Variants in ASTN2 observed in about 807,000 individuals in gnomAD.
ASTN2 encodes astrotactin-2.
In ASTN2, 54 loss-of-function variants were observed where a neutral mutation model predicts 139.8. The ratio of observed to expected loss-of-function variants is 0.39; its 90% CI spans 0.31 to 0.48. ASTN2 has a LOEUF of 0.48. Ranked by LOEUF, ASTN2 falls within the 20% of genes least tolerant of loss-of-function variation. ASTN2 has a pLI of 0.95. For synonymous variants in ASTN2, 756 were observed against 719.5 expected (o/e 1.05, Z -0.81); for missense variants, 1,565 against 1,725.1 (o/e 0.91, Z 1.64).
chr9:117,262,396 T>TC (rs879828979), intron 2 of ASTN2, among the ~76,000 whole-genome samples: 70 of 98,468 alleles, frequency 7.1e-4, no homozygotes, highest in Non-Finnish European at 1.0e-3. Context: ...TCTGTTTCTT[T>TC]TTTTATTTAT....
intron 1 of ASTN2, among the ~76,000 whole-genome samples, chr9:117,317,437 T>C (rs1828179060): frequency 6.6e-6 from 1 of 152,166 alleles, no homozygotes; most frequent in African/African-American, 2.4e-5. Flanking sequence ...GGGAAGGAAG[T>C]AGCAGCTGCT....
At chr9:116,790,609 C>A (rs969242082) in intron 13 of ASTN2, among the ~76,000 whole-genome samples, 32 of 152,014 alleles carry the variant, frequency 2.1e-4, no homozygotes, top group African/African-American at 6.8e-4. Context: ...GAGCAAAATG[C>A]ACTTGATGAG....
At chr9:116,948,067 A>G (rs1283441896) in intron 10 of ASTN2, among the ~76,000 whole-genome samples, 2 of 152,220 alleles carry the variant, frequency 1.3e-5, no homozygotes, top group Non-Finnish European at 2.9e-5. Context: ...ACGTCTTCAG[A>G]TGGAATATCA....
chr9:116,623,621 C>T (rs1178142327), intron 17 of ASTN2, among the ~76,000 whole-genome samples: 1 of 152,178 alleles, frequency 6.6e-6, no homozygotes, highest in Non-Finnish European at 1.5e-5. Context: ...TTCACAGATG[C>T]AGATACAGTG....
intron 19 of ASTN2, among the ~76,000 whole-genome samples, chr9:116,539,011 CA>C (rs1564354385): frequency 1.3e-5 from 2 of 151,984 alleles, no homozygotes; most frequent in Non-Finnish European, 2.9e-5. Context: ...AGAAAAACAG[CA>C]ATAAAAATGA....
chr9:117,141,547 A>G, intron 3 of ASTN2, 69 bp from the exon 4 acceptor site: 2 of 1,295,000 alleles, frequency 1.5e-6, no homozygotes, highest in Non-Finnish European at 2.0e-6. Flanking sequence ...ACTGGGGCTG[A>G]AGTTAGGGCT....
At chr9:116,598,527 G>T (rs1388004453) in intron 19 of ASTN2, among the ~76,000 whole-genome samples, 5 of 152,166 alleles carry the variant, frequency 3.3e-5, no homozygotes, top group Non-Finnish European at 7.4e-5. Flanking sequence ...TAAAGTAATA[G>T]CAAAATCCAC....
chr9:116,610,591 G>A (rs116766140), intron 19 of ASTN2, among the ~76,000 whole-genome samples: 6,607 of 151,908 alleles, frequency 0.043, 510 homozygotes, highest in African/African-American at 0.15. Flanking sequence ...CGACAAAAGC[G>A]AAATTCTGCC....
chr9:116,763,375 A>G (rs1457041710), intron 13 of ASTN2, among the ~76,000 whole-genome samples: 1 of 152,166 alleles, frequency 6.6e-6, no homozygotes, highest in African/African-American at 2.4e-5. Flanking sequence ...GGAAGTGAGT[A>G]TCACTCTGCC....
At chr9:116,483,106 T>C (rs1182887090) in intron 20 of ASTN2, among the ~76,000 whole-genome samples, 1 of 152,210 alleles carries the variant, frequency 6.6e-6, no homozygotes, top group Non-Finnish European at 1.5e-5. Context: ...GCCTGAGCCA[T>C]TGGCCCTGAG....
At chr9:116,814,194 G>A (rs6478254) in intron 12 of ASTN2, among the ~76,000 whole-genome samples, 130,613 of 152,036 alleles carry the variant, frequency 0.86, 56,274 homozygotes, top group East Asian at 0.99. Context: ...AGCTTTCCTA[G>A]TGCAGAAACC....
At chr9:116,661,220 A>G (rs1358242431) in intron 16 of ASTN2, among the ~76,000 whole-genome samples, 1 of 151,894 alleles carries the variant, frequency 6.6e-6, no homozygotes, top group East Asian at 1.9e-4. Context: ...AGGAGGCTGA[A>G]AAAAAAAGGT....
At chr9:116,861,167 T>G (rs1452467570) in intron 11 of ASTN2, among the ~76,000 whole-genome samples, 1 of 151,722 alleles carries the variant, frequency 6.6e-6, no homozygotes, top group East Asian at 1.9e-4. Flanking sequence ...TCTCTTTTAA[T>G]TTTTCCAGTT....
chr9:116,489,863 T>C (rs1849458555), intron 19 of ASTN2, among the ~76,000 whole-genome samples: 1 of 152,202 alleles, frequency 6.6e-6, no homozygotes, highest in African/African-American at 2.4e-5. Context: ...GCGTAGATGC[T>C]AGATTTAGGA....
rs1249033648 is a variant in ASTN2, at chr9:116,725,828, T to C, written c.2749A>G (p.Ile917Val). The C allele has an allele frequency of 6.2e-7, 1 of 1,613,848 alleles. No individual in the cohort carries two copies. The highest frequency in any genetic ancestry group is 1.3e-5 in the African/African-American group (1 of 74,912). ...ACCTTCTTGCTGGGAAAGTGGATGA[T>C]GCAGGTGAGCTCTGAGCCATAGAGG... The part of the protein sequence containing the change: ...EALYGSELTC[I>V]IHFPSKKVQQ... Residue 917 changes from isoleucine to valine, a missense_variant, in exon 16 of 23, where the codon ATC becomes GTC. Around this residue, in one of 4 missense-constraint regions of ASTN2, gnomAD observed 48 missense variants for 90.7 expected, o/e 0.53. Coordinates refer to ENST00000313400, the MANE Select transcript of ASTN2 (RefSeq NM_001365068.1).
chr9:116,682,607 C>T (rs528950697), intron 16 of ASTN2, among the ~76,000 whole-genome samples: 1 of 152,282 alleles, frequency 6.6e-6, no homozygotes, highest in African/African-American at 2.4e-5. Flanking sequence ...TTCACAATAG[C>T]AAAGACTTGG....
chr9:116,896,202 G>A (rs1833875522), intron 10 of ASTN2, among the ~76,000 whole-genome samples: 1 of 152,198 alleles, frequency 6.6e-6, no homozygotes, highest in African/African-American at 2.4e-5. Context: ...TTTGGGAGGT[G>A]ATTCCAGGAA....
chr9:116,556,910 G>A (rs1053356336), intron 19 of ASTN2, among the ~76,000 whole-genome samples: 4 of 152,084 alleles, frequency 2.6e-5, no homozygotes, highest in Admixed American at 2.6e-4. Context: ...CAGAAAAAAT[G>A]TAGATGGAGA....
At chr9:116,801,045 A>G (rs111965543) in intron 13 of ASTN2, among the ~76,000 whole-genome samples, 132 of 152,260 alleles carry the variant, frequency 8.7e-4, no homozygotes, top group African/African-American at 2.9e-3. Flanking sequence ...AGAGAGTTTG[A>G]TATCCTAGGC....
Sources: gnomAD v4.1 joint callset for allele counts (sites outside exome capture counted in the v4.1 genomes callset) on GRCh38, gnomAD v4.1.1 for gene constraint, gnomAD v4.1.1 regional missense constraint, MANE v1.5 for transcripts, NCBI Gene and HGNC (gene_info 2026-07-23, HGNC 2026-07-21) for gene names.